SKOR2: variants seen among roughly 807,000 people sequenced by gnomAD.
SKOR2 encodes SKI family transcriptional corepressor 2, also known as LBX1 corepressor 1-like protein.
A neutral mutation model predicts 69.1 loss-of-function variants in SKOR2; 47 were observed. The observed-to-expected ratio is 0.68, with a 90% CI of 0.54 to 0.87. The LOEUF (loss-of-function observed/expected upper bound fraction) is 0.87. SKOR2 is among the 40% of genes least tolerant of loss of function. The probability of loss-of-function intolerance (pLI) is 0.00; values close to 1 mark genes in which losing one functional copy is unlikely to be tolerated. For missense variants in SKOR2, 1,404 were observed against 1,472.2 expected (o/e 0.95, Z 0.76); for synonymous variants, 717 against 672.6 (o/e 1.07, Z -1.02).
At chr18:47,211,039 A>G (rs1338852808) in intron 8 of SKOR2, among the ~76,000 whole-genome samples, 1 of 152,202 alleles carries the variant, frequency 6.6e-6, no homozygotes, top group Non-Finnish European at 1.5e-5. Flanking sequence ...ATTTAAGACA[A>G]ATACTGAAGA....
Position 47,220,000 on chromosome 18 carries a change from C to G in SKOR2, c.2928G>C (p.Gln976His). 3 of 1,535,604 alleles carry G rather than the reference C, an allele frequency of 2.0e-6. No individual in the cohort carries two copies. The highest frequency in any genetic ancestry group is 2.6e-6 in the Non-Finnish European group (3 of 1,146,644). ...NTSFPVFNNF[Q>H]DQMKRELAYR... Reference sequence around the variant, plus strand: ...AGGCTAGCTCCCTTTTCATCTGATCCTGAAAATTATCTGGTAGGAGAGAGA... The same window carrying G: ...AGGCTAGCTCCCTTTTCATCTGATCGTGAAAATTATCTGGTAGGAGAGAGA... Residue 976 changes from glutamine (Q) to histidine (H), a missense_variant, in exon 7 of 9, where the codon CAG becomes CAC. Transcript: ENST00000425639.
In SKOR2 at chr18:47,232,779, G is replaced by C. The variant is rs146737946; in HGVS notation, c.2753-1779C>G. Among the ~76,000 whole-genome samples the C allele has an allele frequency of 7.9e-5, 12 of 152,334 alleles. No individual in the cohort carries two copies. The East Asian group carries it at 2.3e-3, about 29-fold the overall frequency. ...AGGAGGTCGTAAATTCTAAATTACA[G>C]TAAGCGGGGGCCAGAATTCATCAAA... On this transcript the variant is annotated intron_variant, in intron 4 of 8. Coordinates refer to ENST00000425639, the MANE Select transcript of SKOR2 (RefSeq NM_001278063.4).
At position 47,245,790 on chromosome 18, in the gene SKOR2, CTA is replaced by C. The variant is rs1320172514; in HGVS notation, c.2614-231_2614-230del. ...GTAATACAGATTAATCAGATATATG[CTA>C]TGTTATTTACAGAAGCATAGGCATA... On this transcript the variant is annotated intron_variant, in intron 2 of 8. Coordinates refer to ENST00000425639, the MANE Select transcript of SKOR2 (RefSeq NM_001278063.4). Among the ~76,000 whole-genome samples, 9 of 151,978 alleles carry C rather than the reference CTA, an allele frequency of 5.9e-5. No individual in the cohort carries two copies. In the East Asian group the frequency reaches 9.6e-4, roughly 16 times the overall value.
At chr18:47,222,123 C>G (rs746368493) in intron 6 of SKOR2, among the ~76,000 whole-genome samples, 2 of 152,042 alleles carry the variant, frequency 1.3e-5, no homozygotes, top group Non-Finnish European at 2.9e-5. Context: ...GAGTTTGAGA[C>G]CAGCCTGGGA....
intron 5 of SKOR2, 31 bp downstream of exon 5, chr18:47,230,904 G>T: frequency 1.7e-5 from 25 of 1,455,704 alleles, no homozygotes; most frequent in Non-Finnish European, 2.1e-5. Context: ...AAAGCTAAGA[G>T]AAGTTCTACA....
intron 1 of SKOR2, among the ~76,000 whole-genome samples, chr18:47,250,283 T>C (rs998229700): frequency 2.0e-5 from 3 of 152,164 alleles, no homozygotes; most frequent in African/African-American, 7.2e-5. Context: ...AAATCCCAGG[T>C]TGGGTCTGTG....
Position 47,247,328 on chromosome 18 carries a change from T to A in SKOR2, c.1856A>T (p.His619Leu). The change falls in exon 2 of 9, where the codon CAC (histidine) becomes CTC (leucine). Residue 619 changes from histidine (H) to leucine (L), a missense_variant. Around this residue, in one of 3 missense-constraint regions of SKOR2, gnomAD observed 1,266 missense variants for 1,309.9 expected, o/e 0.97. Coordinates refer to ENST00000425639, the MANE Select transcript of SKOR2 (RefSeq NM_001278063.4). The surrounding 1 kb of genome is among the most constrained non-coding windows in gnomAD (Gnocchi z 6.6). ...EGRKAGGGSY[H>L]HSSAFRPVGG... ...CACTGGCCGGAAGGCGCTGGAATGGTGGTAGCTGCCACCGCCCGCTTTGCG... is the reference window on the plus strand; with the variant it reads ...CACTGGCCGGAAGGCGCTGGAATGGAGGTAGCTGCCACCGCCCGCTTTGCG... The A allele has an allele frequency of 6.8e-7, 1 of 1,477,602 alleles. No individual in the cohort carries two copies. The highest frequency in any genetic ancestry group is 1.3e-5 in the South Asian group (1 of 79,058). The allele number at this position is 1,477,602 out of a possible 1,614,324, so 91.5% of individuals were successfully genotyped here.
chr18:47,227,447 C>T (rs544206575), intron 6 of SKOR2, among the ~76,000 whole-genome samples: 1 of 147,884 alleles, frequency 6.8e-6, no homozygotes, highest in East Asian at 2.0e-4. Flanking sequence ...AAGTGATTCT[C>T]CTGCTTCAGC....
In SKOR2 at chr18:47,247,980, C is replaced by T. The variant is rs536799808; in HGVS notation, c.1204G>A (p.Gly402Ser). ...GTGTAGGGGTGCGGGAAGAGCCCGCCGCAGCCCGGGAACTTCTGCAGGACG... is the reference window on the plus strand; with the variant it reads ...GTGTAGGGGTGCGGGAAGAGCCCGCTGCAGCCCGGGAACTTCTGCAGGACG... ...GGVLQKFPGC[G>S]GLFPHPYTFP... Residue 402 changes from glycine (G) to serine (S), a missense_variant, in exon 2 of 9, where the codon GGC becomes AGC. Gly to Ser is a moderately conservative substitution (Grantham distance 56, BLOSUM62 0). This residue lies in a region of SKOR2 where 1,266 missense variants were observed against 1,309.9 expected (regional missense o/e 0.97). Coordinates refer to ENST00000425639, the MANE Select transcript of SKOR2 (RefSeq NM_001278063.4). The surrounding 1 kb of genome is among the most constrained non-coding windows in gnomAD (Gnocchi z 6.6). 350 of 1,388,028 alleles carry T rather than the reference C, an allele frequency of 2.5e-4. 2 individuals are homozygous for T. In the East Asian group the frequency reaches 9.9e-3, roughly 39 times the overall value. The allele number at this position is 1,388,028 out of a possible 1,614,324, so 86.0% of individuals were successfully genotyped here.
At position 47,206,254 on chromosome 18, in the gene SKOR2, A is replaced by C. The variant is rs1429847453; in HGVS notation, c.*642T>G. 1 of 152,178 alleles carries C rather than the reference A, an allele frequency of 6.6e-6. No homozygotes were observed. Among genetic ancestry groups the C allele is most frequent in the African/African-American group, 2.4e-5 (1 of 41,444 alleles). 9.4% of individuals were successfully genotyped at this position (152,178 alleles called of 1,614,324 possible). On this transcript the variant is annotated 3_prime_UTR_variant, in exon 9 of 9. Coordinates refer to ENST00000425639, the MANE Select transcript of SKOR2 (RefSeq NM_001278063.4). Reference sequence around the variant, plus strand: ...ACAGAGTTAAATGCCATTTTTGATAACATGATTATATTCTTAATTACACTC... The same window carrying C: ...ACAGAGTTAAATGCCATTTTTGATACCATGATTATATTCTTAATTACACTC...
At chr18:47,235,227 G>A (rs1202819460) in intron 4 of SKOR2, among the ~76,000 whole-genome samples, 2 of 152,118 alleles carry the variant, frequency 1.3e-5, no homozygotes, top group Non-Finnish European at 2.9e-5. Flanking sequence ...TGGGAGTGGT[G>A]GTGCACTCTT....
At chr18:47,225,444 A>T (rs760322299) in intron 6 of SKOR2, among the ~76,000 whole-genome samples, 5 of 152,142 alleles carry the variant, frequency 3.3e-5, no homozygotes, top group Admixed American at 6.5e-5. Flanking sequence ...TTTGGGTATA[A>T]CCCCAATGTT....
chr18:47,248,083 C>CCCCGCGCCCGCG lies in SKOR2; in HGVS notation c.1089_1100dup (p.Gly371_Ala374dup). 11 of 1,385,814 alleles carry CCCCGCGCCCGCG rather than the reference C, an allele frequency of 7.9e-6. No individual in the cohort carries two copies. The highest frequency in any genetic ancestry group is 1.6e-5 in the South Asian group (1 of 62,268). The allele number at this position is 1,385,814 out of a possible 1,614,324, so 85.8% of individuals were successfully genotyped here. ...CTTTGGCCCCTGCCCCGGCACCCGC[C>CCCCGCGCCCGCG]CCCGCGCCCGCGCCCACGCCCACGC... On this transcript the variant is annotated inframe_insertion, in exon 2 of 9. Coordinates refer to ENST00000425639, the MANE Select transcript of SKOR2 (RefSeq NM_001278063.4). The surrounding 1 kb of genome is among the most constrained non-coding windows in gnomAD (Gnocchi z 6.4).
chr18:47,225,957 G>A (rs979527382), intron 6 of SKOR2, among the ~76,000 whole-genome samples: 2 of 152,176 alleles, frequency 1.3e-5, no homozygotes, highest in Non-Finnish European at 2.9e-5. Context: ...GCTTCTTGAG[G>A]TGAAGATTTT....
At chr18:47,224,935 A>T (rs1009740767) in intron 6 of SKOR2, among the ~76,000 whole-genome samples, 26 of 151,992 alleles carry the variant, frequency 1.7e-4, no homozygotes, top group East Asian at 5.8e-4. Context: ...TTAAAAAAAA[A>T]TTTTTTTCAT....
chr18:47,223,315 G>C (rs1314924276), intron 6 of SKOR2, among the ~76,000 whole-genome samples: 1 of 152,024 alleles, frequency 6.6e-6, no homozygotes, highest in Non-Finnish European at 1.5e-5. Flanking sequence ...TGAAAGAAAA[G>C]GAAATAATAT....
At chr18:47,212,921 A>C (rs1288728557) in intron 7 of SKOR2, among the ~76,000 whole-genome samples, 1 of 152,160 alleles carries the variant, frequency 6.6e-6, no homozygotes, top group Non-Finnish European at 1.5e-5. Flanking sequence ...CCATGATTGC[A>C]CCACTGCACT....
At chr18:47,234,683 A>T (rs1370364752) in intron 4 of SKOR2, 8 of 152,166 alleles carry the variant, frequency 5.3e-5, no homozygotes, top group African/African-American at 1.7e-4. Flanking sequence ...CAACATGGTG[A>T]AACCCCATCT....
In SKOR2 at chr18:47,206,179, GT is replaced by G. The variant is rs1156611289; in HGVS notation, c.*716del. The stretch of plus-strand genomic sequence containing the variant: ...ACATGAACACAACCATTACTTCATA[GT>G]TTTTTTATTATAGACTTTTTTATCC... On this transcript the variant is annotated 3_prime_UTR_variant, in exon 9 of 9. Coordinates refer to ENST00000425639, the MANE Select transcript of SKOR2 (RefSeq NM_001278063.4). 3.9e-5 allele frequency: 6 copies of G among 152,070 alleles called. No individual in the cohort carries two copies. The highest frequency in any genetic ancestry group is 8.8e-5 in the Non-Finnish European group (6 of 68,014). 9.4% of individuals were successfully genotyped at this position (152,070 alleles called of 1,614,324 possible).
Sources: gnomAD v4.1 joint callset for allele counts (sites outside exome capture counted in the v4.1 genomes callset) on GRCh38, gnomAD v4.1.1 for gene constraint, gnomAD v4.1.1 regional missense constraint, Gnocchi (gnomAD v3.1) non-coding constraint, MANE v1.5 for transcripts, NCBI Gene and HGNC (gene_info 2026-07-23, HGNC 2026-07-21) for gene names.